GRIK4: variants seen among roughly 807,000 people sequenced by gnomAD.
GRIK4 encodes the protein glutamate receptor ionotropic, kainate 4.
A neutral mutation model predicts 104.9 loss-of-function variants in GRIK4; 40 were observed. That is an observed-to-expected ratio of 0.38 (90% CI 0.30 to 0.50). The LOEUF is 0.50. Among genes scored for constraint, GRIK4 ranks in the 20% least tolerant of loss-of-function variants. The pLI is 0.93. For synonymous variants in GRIK4, 485 were observed against 524.9 expected (o/e 0.92, Z 1.04); for missense variants, 1,047 against 1,308.1 (o/e 0.80, Z 3.08).
At chr11:120,594,649 C>T (rs931063708) in intron 1 of GRIK4, among the ~76,000 whole-genome samples, 1 of 152,156 alleles carries the variant, frequency 6.6e-6, no homozygotes, top group African/African-American at 2.4e-5. Flanking sequence ...TCTTCCATGT[C>T]AGCAGAAGCC....
chr11:120,978,323 TA>T (rs1428939115), intron 19 of GRIK4, among the ~76,000 whole-genome samples: 1 of 152,152 alleles, frequency 6.6e-6, no homozygotes, highest in African/African-American at 2.4e-5. Context: ...AAAAGTCAGG[TA>T]AGAGTAGAGA....
chr11:120,749,415 C>T (rs1289175491), intron 3 of GRIK4, among the ~76,000 whole-genome samples: 1 of 152,196 alleles, frequency 6.6e-6, no homozygotes, highest in Non-Finnish European at 1.5e-5. Context: ...CTGCCCAGCT[C>T]ACATATGGTG....
At chr11:120,843,485 A>G (rs1268260832) in intron 8 of GRIK4, among the ~76,000 whole-genome samples, 2 of 152,270 alleles carry the variant, frequency 1.3e-5, no homozygotes, top group African/African-American at 2.4e-5. Context: ...TTCAAGTTCC[A>G]GTCCTGCTAC....
chr11:120,774,248 G>A (rs964243689), intron 3 of GRIK4, among the ~76,000 whole-genome samples: 5 of 152,174 alleles, frequency 3.3e-5, no homozygotes, highest in South Asian at 2.1e-4. Context: ...AGGAGTTTGC[G>A]AAAGGGAGTG....
rs550044522 is a variant in GRIK4, at chr11:120,811,394, T to C, written c.248-3984T>C. 4.7e-4 allele frequency among the ~76,000 whole-genome samples: 71 copies of C among 152,246 alleles called. 1 individual carries two copies. The highest frequency in any genetic ancestry group is 3.4e-3 in the Middle Eastern group (1 of 294). On this transcript the variant is annotated intron_variant, in intron 4 of 20. Transcript: ENST00000527524. ...TGCTGGGGATGGCTGTGCGGTGCAGTGGTTAAGGGGCCGGTCTTTGGGGAA... is the reference window on the plus strand; with the variant it reads ...TGCTGGGGATGGCTGTGCGGTGCAGCGGTTAAGGGGCCGGTCTTTGGGGAA...
intron 1 of GRIK4, among the ~76,000 whole-genome samples, chr11:120,590,575 C>T (rs1026456848): frequency 2.0e-5 from 3 of 152,146 alleles, no homozygotes; most frequent in Non-Finnish European, 2.9e-5. Flanking sequence ...AATTGGCACT[C>T]GCTTCAATTG....
intron 1 of GRIK4, among the ~76,000 whole-genome samples, chr11:120,526,828 A>C (rs1317045804): frequency 6.6e-6 from 1 of 152,192 alleles, no homozygotes; most frequent in Non-Finnish European, 1.5e-5. Context: ...CAGCCTGTGC[A>C]GCAAGAGTGA....
chr11:120,961,338 T>C lies in GRIK4; in HGVS notation c.2040+264T>C, dbSNP rs181915300. ...TAGGTCTGATGTGGTGGAACTGTTT[T>C]TTAGTTGCCATAGTTTCATGTTTAT... On this transcript the variant is annotated intron_variant, in intron 17 of 20. Coordinates refer to ENST00000527524, the MANE Select transcript of GRIK4 (RefSeq NM_014619.5). 2.0e-4 allele frequency among the ~76,000 whole-genome samples: 30 copies of C among 152,312 alleles called. No homozygotes were observed. In the East Asian group the frequency reaches 5.6e-3, roughly 28 times the overall value.
chr11:120,733,764 G>A (rs1025011270), intron 3 of GRIK4, among the ~76,000 whole-genome samples: 1 of 146,314 alleles, frequency 6.8e-6, no homozygotes, highest in African/African-American at 2.5e-5. Flanking sequence ...TTGAGATGGA[G>A]TCTTGCTCTG....
intron 1 of GRIK4, among the ~76,000 whole-genome samples, chr11:120,554,590 G>A (rs1441599734): frequency 6.7e-6 from 1 of 149,726 alleles, no homozygotes; most frequent in Non-Finnish European, 1.5e-5. Context: ...ACAGGAGCTC[G>A]CCCTGTCGCC....
chr11:120,958,368 C>T (rs1323344301), intron 16 of GRIK4, among the ~76,000 whole-genome samples: 1 of 152,250 alleles, frequency 6.6e-6, no homozygotes, highest in Non-Finnish European at 1.5e-5. Flanking sequence ...AGAAGGGGCT[C>T]AGCGCGAATG....
At chr11:120,647,658 C>T (rs1209961002) in intron 1 of GRIK4, among the ~76,000 whole-genome samples, 1 of 152,238 alleles carries the variant, frequency 6.6e-6, no homozygotes, top group Non-Finnish European at 1.5e-5. Context: ...CAGTGTGTGG[C>T]CCACATCTTC....
At chr11:120,854,161 T>C (rs930785906) in intron 8 of GRIK4, among the ~76,000 whole-genome samples, 2 of 152,208 alleles carry the variant, frequency 1.3e-5, no homozygotes, top group African/African-American at 4.8e-5. Flanking sequence ...TAAATTGATA[T>C]TTCATAAATC....
intron 1 of GRIK4, among the ~76,000 whole-genome samples, chr11:120,618,009 A>G (rs942025092): frequency 6.6e-6 from 1 of 152,234 alleles, no homozygotes. Flanking sequence ...CTGAGAGAGT[A>G]TGGAGGGCTC....
intron 3 of GRIK4, among the ~76,000 whole-genome samples, chr11:120,685,868 C>G (rs552177649): frequency 1.3e-4 from 20 of 152,254 alleles, no homozygotes; most frequent in African/African-American, 4.6e-4. Flanking sequence ...CTTTGTGCCT[C>G]CCTCACCCTT....
At chr11:120,577,967 G>A (rs1948507270) in intron 1 of GRIK4, among the ~76,000 whole-genome samples, 1 of 152,200 alleles carries the variant, frequency 6.6e-6, no homozygotes, top group South Asian at 2.1e-4. Flanking sequence ...GCTTCTCAGA[G>A]CCTTGGTCTG....
At chr11:120,946,944 G>A (rs10892651) in intron 14 of GRIK4, among the ~76,000 whole-genome samples, 34,604 of 152,052 alleles carry the variant, frequency 0.23, 4,251 homozygotes, top group East Asian at 0.36. Context: ...TAGAACACCC[G>A]AGACTCCCTG....
intron 1 of GRIK4, among the ~76,000 whole-genome samples, chr11:120,563,250 C>T (rs1269622969): frequency 6.6e-6 from 1 of 152,060 alleles, no homozygotes; most frequent in Admixed American, 6.5e-5. Flanking sequence ...TTTGGGTGTA[C>T]ATCTCCTAGG....
chr11:120,813,171 C>T (rs1952863482), intron 4 of GRIK4, among the ~76,000 whole-genome samples: 1 of 152,174 alleles, frequency 6.6e-6, no homozygotes, highest in South Asian at 2.1e-4. Flanking sequence ...GCAGTGCAGA[C>T]AAAGTAAGTG....
Sources: gnomAD v4.1 joint callset for allele counts (sites outside exome capture counted in the v4.1 genomes callset) on GRCh38, gnomAD v4.1.1 for gene constraint, MANE v1.5 for transcripts, NCBI Gene and HGNC (gene_info 2026-07-23, HGNC 2026-07-21) for gene names.